Variants in AGBL4 observed in about 807,000 individuals in gnomAD.
AGBL4 encodes cytosolic carboxypeptidase 6.
AGBL4 carries 58 observed loss-of-function variants against 66.4 expected under a neutral mutation model. The ratio of observed to expected loss-of-function variants is 0.87; its 90% CI spans 0.71 to 1.09. AGBL4 has a LOEUF of 1.09. Among genes scored for constraint, AGBL4 ranks in the 50% least tolerant of loss-of-function variants. The pLI is 0.00. For synonymous variants in AGBL4, 234 were observed against 222.9 expected (o/e 1.05, Z -0.44); for missense variants, 579 against 631.0 (o/e 0.92, Z 0.88).
intron 11 of AGBL4, among the ~76,000 whole-genome samples, chr1:48,581,758 A>T (rs1488003118): frequency 6.6e-6 from 1 of 152,230 alleles, no homozygotes; most frequent in African/African-American, 2.4e-5. Flanking sequence ...GCATTCTCCC[A>T]TGCAGCCCTA....
intron 5 of AGBL4, among the ~76,000 whole-genome samples, chr1:49,008,324 T>C (rs2149001075): frequency 6.6e-6 from 1 of 152,026 alleles, no homozygotes; most frequent in African/African-American, 2.4e-5. Flanking sequence ...CAAGAAGAGC[T>C]AACTATCCTA....
intron 1 of AGBL4, among the ~76,000 whole-genome samples, chr1:49,933,584 A>G (rs1041634381): frequency 1.3e-5 from 2 of 152,126 alleles, no homozygotes; most frequent in Admixed American, 6.5e-5. Flanking sequence ...AGAACTATAA[A>G]TTACAAAAAC....
At chr1:49,567,685 C>A (rs1644241757) in intron 3 of AGBL4, among the ~76,000 whole-genome samples, 1 of 152,102 alleles carries the variant, frequency 6.6e-6, no homozygotes, top group Non-Finnish European at 1.5e-5. Context: ...ATATTAAGCC[C>A]AGCATGCATT....
At chr1:48,857,106 A>G (rs1382045069) in intron 6 of AGBL4, among the ~76,000 whole-genome samples, 10 of 152,220 alleles carry the variant, frequency 6.6e-5, no homozygotes, top group Admixed American at 1.3e-4. Context: ...CAAAACAGGA[A>G]AGATAACTGC....
chr1:48,788,726 A>G (rs374591454), intron 6 of AGBL4, among the ~76,000 whole-genome samples: 52 of 152,334 alleles, frequency 3.4e-4, no homozygotes, highest in African/African-American at 1.3e-3. Context: ...GTGAAAATGT[A>G]GGCAAGATTC....
intron 5 of AGBL4, among the ~76,000 whole-genome samples, chr1:48,946,068 T>C (rs1217692979): frequency 6.6e-6 from 1 of 152,194 alleles, no homozygotes; most frequent in Admixed American, 6.5e-5. Flanking sequence ...AACACCATTC[T>C]CTTCCCTATT....
chr1:49,308,264 CCAAA>C (rs1173383519), intron 3 of AGBL4, among the ~76,000 whole-genome samples: 2 of 152,038 alleles, frequency 1.3e-5, no homozygotes, highest in African/African-American at 4.8e-5. Flanking sequence ...AATGCAGGGC[CCAAA>C]CAGAGTAGTT....
chr1:49,579,595 G>A (rs755728478), intron 3 of AGBL4, among the ~76,000 whole-genome samples: 2 of 152,020 alleles, frequency 1.3e-5, no homozygotes, highest in South Asian at 2.1e-4. Context: ...CACCTCCCAC[G>A]TTGACGCCAT....
At chr1:48,975,581 G>A (rs1050717065) in intron 5 of AGBL4, among the ~76,000 whole-genome samples, 28 of 152,082 alleles carry the variant, frequency 1.8e-4, no homozygotes, top group Admixed American at 4.6e-4. Context: ...AAGTGATTAC[G>A]TGGCCTGAAT....
intron 5 of AGBL4, among the ~76,000 whole-genome samples, chr1:49,044,851 C>G (rs897795501): frequency 4.6e-5 from 7 of 152,178 alleles, no homozygotes; most frequent in African/African-American, 1.7e-4. Flanking sequence ...TAAATTCTCC[C>G]TTAAAGCCTC....
At chr1:48,820,349 T>C (rs1646283652) in intron 6 of AGBL4, among the ~76,000 whole-genome samples, 1 of 152,176 alleles carries the variant, frequency 6.6e-6, no homozygotes, top group Non-Finnish European at 1.5e-5. Flanking sequence ...TGTGTCACCT[T>C]GACTGGCTAT....
intron 8 of AGBL4, among the ~76,000 whole-genome samples, chr1:48,643,415 C>G (rs557565956): frequency 6.6e-6 from 1 of 152,252 alleles, no homozygotes; most frequent in Admixed American, 6.5e-5. Context: ...CATGCAACAG[C>G]CACACCAGAG....
chr1:49,972,282 T>C (rs957478946), intron 1 of AGBL4, among the ~76,000 whole-genome samples: 2 of 152,010 alleles, frequency 1.3e-5, no homozygotes, highest in African/African-American at 4.8e-5. Context: ...CAGTGAACAT[T>C]GTACCCAATT....
chr1:48,693,302 C>T (rs1440540387), intron 6 of AGBL4, among the ~76,000 whole-genome samples: 1 of 152,142 alleles, frequency 6.6e-6, no homozygotes, highest in Non-Finnish European at 1.5e-5. Flanking sequence ...TTAGTCCGAT[C>T]TCACCATCAA....
chr1:49,845,972 C>A, intron 2 of AGBL4: 1 of 1,572,154 alleles, frequency 6.4e-7, no homozygotes, highest in Non-Finnish European at 8.7e-7. Flanking sequence ...CACCAAACAT[C>A]AGCGAAACCA....
At chr1:49,825,860 C>T (rs770852137) in intron 2 of AGBL4, among the ~76,000 whole-genome samples, 1 of 151,976 alleles carries the variant, frequency 6.6e-6, no homozygotes, top group Non-Finnish European at 1.5e-5. Context: ...CACATACACA[C>T]ACACACACAC....
chr1:49,355,271 C>T (rs1408969402), intron 3 of AGBL4, among the ~76,000 whole-genome samples: 1 of 152,168 alleles, frequency 6.6e-6, no homozygotes, highest in East Asian at 1.9e-4. Flanking sequence ...CTCCATCTCC[C>T]AATTCTAGTA....
chr1:49,945,555 G>A (rs1292106023), intron 1 of AGBL4, among the ~76,000 whole-genome samples: 2 of 151,978 alleles, frequency 1.3e-5, no homozygotes, highest in Non-Finnish European at 2.9e-5. Flanking sequence ...TACAAGAACT[G>A]CTAAAAAGAG....
chr1:48,834,197 T>A (rs1367465287), intron 6 of AGBL4, among the ~76,000 whole-genome samples: 1 of 152,180 alleles, frequency 6.6e-6, no homozygotes, highest in Non-Finnish European at 1.5e-5. Context: ...CATAGCTTCA[T>A]AGATGGAGAT....
Sources: allele counts gnomAD v4.1 joint callset (sites outside exome capture counted in the v4.1 genomes callset), GRCh38; gene constraint gnomAD v4.1.1; transcripts MANE v1.5; gene names NCBI Gene and HGNC (gene_info 2026-07-23, HGNC 2026-07-21).